Variants in KCNJ6 observed in about 807,000 individuals in gnomAD.
KCNJ6 encodes the protein potassium inwardly rectifying channel subfamily J member 6, also known as G protein-activated inward rectifier potassium channel 2.
Under a neutral mutation model 34.2 loss-of-function variants are expected in KCNJ6, and 9 were observed. That is an observed-to-expected ratio of 0.26 (90% CI 0.16 to 0.46). The LOEUF (loss-of-function observed/expected upper bound fraction) is 0.46. Among genes scored for constraint, KCNJ6 ranks in the 20% least tolerant of loss-of-function variants. KCNJ6 has a pLI of 1.00. For missense variants in KCNJ6, 236 were observed against 531.3 expected, an observed-to-expected ratio of 0.44 and a Z score of 5.46; for synonymous variants, 196 against 207.1, an observed-to-expected ratio of 0.95 and a Z score of 0.46.
intron 2 of KCNJ6, among the ~76,000 whole-genome samples, chr21:37,747,137 C>G (rs181335645): frequency 9.9e-5 from 15 of 152,274 alleles, no homozygotes; most frequent in Admixed American, 6.5e-4. Context: ...GAAAAGACGC[C>G]CTGCCAGGGT....
intron 2 of KCNJ6, among the ~76,000 whole-genome samples, chr21:37,780,394 C>T (rs1177605422): frequency 6.6e-6 from 1 of 152,148 alleles, no homozygotes; most frequent in Non-Finnish European, 1.5e-5. Flanking sequence ...ATGGTGGCTA[C>T]TTAAACATCA....
chr21:37,647,650 G>A (rs2054411872), intron 3 of KCNJ6, among the ~76,000 whole-genome samples: 1 of 152,158 alleles, frequency 6.6e-6, no homozygotes, highest in Admixed American at 6.5e-5. Context: ...ATGCTCCAGA[G>A]TCTGCTGAAA....
At chr21:37,755,702 C>G (rs1013219231) in intron 2 of KCNJ6, among the ~76,000 whole-genome samples, 3 of 152,196 alleles carry the variant, frequency 2.0e-5, no homozygotes, top group African/African-American at 7.2e-5. Flanking sequence ...GCCTTGAGCT[C>G]CTGACCCTAT....
At chr21:37,779,694 G>A (rs903965296) in intron 2 of KCNJ6, among the ~76,000 whole-genome samples, 3 of 152,158 alleles carry the variant, frequency 2.0e-5, no homozygotes, top group Admixed American at 1.3e-4. Context: ...TCCTTGAGAC[G>A]AGGCTAATGT....
chr21:37,894,818 G>A (rs149469391), intron 1 of KCNJ6, among the ~76,000 whole-genome samples: 1 of 152,256 alleles, frequency 6.6e-6, no homozygotes, highest in East Asian at 1.9e-4. Flanking sequence ...AATGATACAA[G>A]CATTTTCTTC....
intron 1 of KCNJ6, among the ~76,000 whole-genome samples, chr21:37,904,874 C>T (rs1041176460): frequency 1.3e-5 from 2 of 152,226 alleles, no homozygotes; most frequent in African/African-American, 4.8e-5. Context: ...TTCCCATTCA[C>T]AGCAAATCCC....
At chr21:37,769,165 T>C (rs948110772) in intron 2 of KCNJ6, among the ~76,000 whole-genome samples, 1 of 152,194 alleles carries the variant, frequency 6.6e-6, no homozygotes, top group Non-Finnish European at 1.5e-5. Context: ...ATTGATATAC[T>C]GTGTCAGTGT....
At chr21:37,882,042 G>T (rs369607857) in intron 1 of KCNJ6, among the ~76,000 whole-genome samples, 6 of 152,198 alleles carry the variant, frequency 3.9e-5, no homozygotes, top group South Asian at 2.1e-4. Flanking sequence ...CCAAGCAGGG[G>T]CTGGCAGTTT....
rs568634630 is a variant in KCNJ6 at position 37,609,337 on chromosome 21, C to T, written c.*15822G>A. 1.2e-4 allele frequency: 18 copies of T among 152,242 alleles called. No individual in the cohort carries two copies. Among genetic ancestry groups the T allele is most frequent in the African/African-American group, 4.3e-4 (18 of 41,548 alleles). 9.4% of individuals were successfully genotyped at this position (152,242 alleles called of 1,614,324 possible). On this transcript the variant is annotated 3_prime_UTR_variant, in exon 4 of 4. Coordinates refer to ENST00000609713, the MANE Select transcript of KCNJ6 (RefSeq NM_002240.5). ...TCCAGGTACATAGAAACATGAATGT[C>T]CACAAACATGCAACCCCCAAACTAG...
intron 1 of KCNJ6, among the ~76,000 whole-genome samples, chr21:37,864,268 T>A (rs945560833): frequency 1.3e-5 from 2 of 152,042 alleles, no homozygotes; most frequent in Non-Finnish European, 2.9e-5. Context: ...TGCACCACCA[T>A]GCCTGGTTAA....
intron 3 of KCNJ6, among the ~76,000 whole-genome samples, chr21:37,671,945 G>A (rs1295379762): frequency 6.6e-6 from 1 of 152,094 alleles, no homozygotes; most frequent in Non-Finnish European, 1.5e-5. Context: ...ATTGGCTCTC[G>A]TAGTATTTTT....
chr21:37,783,711 A>G (rs2055180519), intron 2 of KCNJ6, among the ~76,000 whole-genome samples: 1 of 152,196 alleles, frequency 6.6e-6, no homozygotes, highest in Non-Finnish European at 1.5e-5. Flanking sequence ...GAATGTTCAA[A>G]TTCATATGTT....
At position 37,689,492 on chromosome 21, in the gene KCNJ6, G is replaced by A. The variant is rs559976229; in HGVS notation, c.946+24719C>T. 2.0e-5 allele frequency among the ~76,000 whole-genome samples: 3 copies of A among 152,234 alleles called. No individual in the cohort carries two copies. The South Asian group carries it at 6.2e-4, about 32-fold the overall frequency. On this transcript the variant is annotated intron_variant, in intron 3 of 3. Coordinates refer to ENST00000609713, the MANE Select transcript of KCNJ6 (RefSeq NM_002240.5). The stretch of plus-strand genomic sequence containing the variant: ...TCTTTGTTATCAGAGCCTCCCAATA[G>A]AGGAGAGTTACAGTTCAGGTCGAAC...
At chr21:37,817,819 T>C (rs532973305) in intron 2 of KCNJ6, among the ~76,000 whole-genome samples, 1 of 152,358 alleles carries the variant, frequency 6.6e-6, no homozygotes, top group Non-Finnish European at 1.5e-5. Flanking sequence ...TCTGGCTTTT[T>C]AGCTTTGCCT....
chr21:37,617,048 C>CT lies in KCNJ6; in HGVS notation c.*8110dup, dbSNP rs1556008833. On this transcript the variant is annotated 3_prime_UTR_variant, in exon 4 of 4. Coordinates refer to ENST00000609713, the MANE Select transcript of KCNJ6 (RefSeq NM_002240.5). ...TCTTTCTTTCTTTCTTTCTTTCTTT[C>CT]TTTCTTTTCTTTTCTTTTCTTTTCT... 2 of 70,162 alleles carry CT rather than the reference C, an allele frequency of 2.9e-5. No homozygotes were observed. Among genetic ancestry groups the CT allele is most frequent in the African/African-American group, 1.0e-4 (2 of 19,702 alleles). The allele number at this position is 70,162 out of a possible 1,614,324, so 4.3% of individuals were successfully genotyped here.
At chr21:37,833,057 C>A (rs2055434597) in intron 2 of KCNJ6, among the ~76,000 whole-genome samples, 1 of 151,996 alleles carries the variant, frequency 6.6e-6, no homozygotes, top group African/African-American at 2.4e-5. Flanking sequence ...TCTTGTTGCC[C>A]AGGCTGGAGT....
intron 1 of KCNJ6, among the ~76,000 whole-genome samples, chr21:37,879,603 C>G (rs971074086): frequency 6.6e-6 from 1 of 151,914 alleles, no homozygotes; most frequent in African/African-American, 2.4e-5. Context: ...AATAACATTG[C>G]TCTCTTCCCC....
chr21:37,762,404 T>A (rs1698540697), intron 2 of KCNJ6, among the ~76,000 whole-genome samples: 1 of 152,090 alleles, frequency 6.6e-6, no homozygotes, highest in African/African-American at 2.4e-5. Context: ...CTGCTCGTCA[T>A]TAGAAATTTT....
rs770885458 is a variant in KCNJ6, at chr21:37,715,111, A to G, written c.46T>C (p.Ser16Pro). The change falls in exon 3 of 4, where the codon TCC becomes CCC. Residue 16 changes from serine (S) to proline (P), a missense_variant. Ser to Pro is a moderately conservative substitution (Grantham distance 74). This residue lies in a region of KCNJ6 where 64 missense variants were observed against 68.9 expected (regional missense o/e 0.93). Coordinates refer to ENST00000609713, the MANE Select transcript of KCNJ6 (RefSeq NM_002240.5). ...ESMTNVLEGD[S>P]MDQDVESPVA... ...GGGCTTTCGACGTCCTGATCCATGG[A>G]GTCGCCCTCCAGGACGTTAGCTGGT... The G allele has an allele frequency of 6.2e-7, 1 of 1,613,296 alleles. No individual in the cohort carries two copies. The highest frequency in any genetic ancestry group is 8.5e-7 in the Non-Finnish European group (1 of 1,179,584).
Sources: gnomAD v4.1 joint callset for allele counts (sites outside exome capture counted in the v4.1 genomes callset) on GRCh38, gnomAD v4.1.1 for gene constraint, gnomAD v4.1.1 regional missense constraint, MANE v1.5 for transcripts, NCBI Gene and HGNC (gene_info 2026-07-23, HGNC 2026-07-21) for gene names.